The following PRKCH variants were observed in gnomAD, a reference collection of about 807,000 sequenced individuals.
PRKCH encodes protein kinase C eta.
PRKCH carries 28 observed loss-of-function variants against 82.5 expected under a neutral mutation model. The ratio of observed to expected loss-of-function variants is 0.34; its 90% CI spans 0.25 to 0.47. The LOEUF (loss-of-function observed/expected upper bound fraction) is 0.47, where lower values mean the gene tolerates loss of function less well. Ranked by LOEUF, PRKCH falls within the 20% of genes least tolerant of loss-of-function variation. PRKCH has a pLI of 1.00. For synonymous variants in PRKCH, 322 were observed against 327.4 expected (o/e 0.98, Z 0.18); for missense variants, 705 against 881.8 (o/e 0.80, Z 2.54).
chr14:61,445,857 T>G, intron 4 of PRKCH, 131 bp downstream of exon 4: 1 of 915,270 alleles, frequency 1.1e-6, no homozygotes. Context: ...AGGAAACCCC[T>G]GTGTAGATAC....
In PRKCH at chr14:61,280,750, A is replaced by G. The variant is rs1201174757; in HGVS notation, c.-19+93082A>G. ...GCGCAGCGCGCTGGGGAGTCCGCTC[A>G]GCTGCGCGTCGTCGCGGGACACGCC... On this transcript the variant is annotated intron_variant, in intron 1 of 3. Coordinates refer to the PRKCH transcript ENST00000555185. The surrounding 1 kb of genome is among the most constrained non-coding windows in gnomAD (Gnocchi z 5.0). 1.3e-6 allele frequency: 2 copies of G among 1,565,514 alleles called. No homozygotes were observed. Among genetic ancestry groups the G allele is most frequent in the East Asian group, 4.6e-5 (2 of 43,358 alleles).
chr14:61,376,230 A>G (rs752065606), intron 1 of PRKCH, among the ~76,000 whole-genome samples: 1 of 152,046 alleles, frequency 6.6e-6, no homozygotes, highest in Non-Finnish European at 1.5e-5. Context: ...TGCCTTTCCC[A>G]ACACCCTTCT....
At chr14:61,205,136 G>A (rs905882422) in intron 1 of PRKCH, among the ~76,000 whole-genome samples, 1 of 152,238 alleles carries the variant, frequency 6.6e-6, no homozygotes, top group African/African-American at 2.4e-5. Flanking sequence ...CAACAGTGAA[G>A]TCTAAGCACA....
intron 10 of PRKCH, chr14:61,492,051 C>T (rs999775489): frequency 6.6e-6 from 1 of 152,176 alleles, no homozygotes; most frequent in Non-Finnish European, 1.5e-5. Context: ...AAGGAAGGAA[C>T]ATTTGAGACA....
At chr14:61,284,832 AT>A (rs2045300441) in intron 1 of PRKCH, among the ~76,000 whole-genome samples, 1 of 152,194 alleles carries the variant, frequency 6.6e-6, no homozygotes, top group South Asian at 2.1e-4. Context: ...TTTTCATTTT[AT>A]CTCCCAGACT....
At chr14:61,323,774 A>G (rs925974960) in intron 1 of PRKCH, among the ~76,000 whole-genome samples, 4 of 152,222 alleles carry the variant, frequency 2.6e-5, no homozygotes, top group African/African-American at 9.6e-5. Context: ...GGGACTAGAG[A>G]GGAATTGCTA....
chr14:61,319,389 T>C (rs1376238673), upstream of PRKCH, among the ~76,000 whole-genome samples: 1 of 152,154 alleles, frequency 6.6e-6, no homozygotes, highest in Non-Finnish European at 1.5e-5. Context: ...TTTTTCCTCC[T>C]TGTGGGACTG....
intron 1 of PRKCH, among the ~76,000 whole-genome samples, chr14:61,195,492 G>A (rs1009709723): frequency 6.6e-6 from 1 of 152,132 alleles, no homozygotes; most frequent in African/African-American, 2.4e-5. Context: ...ATTAAATGAG[G>A]CATGTTCTTC....
At chr14:61,212,292 A>G (rs1429458864) in intron 1 of PRKCH, among the ~76,000 whole-genome samples, 1 of 152,238 alleles carries the variant, frequency 6.6e-6, no homozygotes, top group Non-Finnish European at 1.5e-5. Flanking sequence ...GTTTTTCAAT[A>G]CTGTCGAATG....
chr14:61,247,279 T>G (rs961249273), intron 1 of PRKCH, among the ~76,000 whole-genome samples: 3 of 152,004 alleles, frequency 2.0e-5, no homozygotes, highest in Non-Finnish European at 4.4e-5. Context: ...TTTTTTTTTT[T>G]AAACTCTGTA....
At chr14:61,227,001 C>T (rs952083757) in intron 1 of PRKCH, among the ~76,000 whole-genome samples, 1 of 152,134 alleles carries the variant, frequency 6.6e-6, no homozygotes, top group Non-Finnish European at 1.5e-5. Context: ...ATGGGCAATG[C>T]CTTGGTCCAT....
chr14:61,295,243 T>TATTTGA (rs1197204911), intron 1 of PRKCH, among the ~76,000 whole-genome samples: 1 of 152,208 alleles, frequency 6.6e-6, no homozygotes, highest in African/African-American at 2.4e-5. Context: ...AAGGATTCTG[T>TATTTGA]ATTTTAAAAA....
intron 1 of PRKCH, among the ~76,000 whole-genome samples, chr14:61,216,207 G>A (rs1212933094): frequency 1.3e-5 from 2 of 152,160 alleles, no homozygotes; most frequent in Non-Finnish European, 2.9e-5. Flanking sequence ...GCTCATGCCT[G>A]TAAATCCCAG....
At position 61,235,397 on chromosome 14, in the gene PRKCH, C is replaced by T. The variant is rs72725862; in HGVS notation, c.-19+47729C>T. On this transcript the variant is annotated intron_variant, in intron 1 of 3. Coordinates refer to the PRKCH transcript ENST00000555185. ...TCCCAACGGTATGTTATCCATTCAC[C>T]GTGAAACTGCCATCCACAAACCATA... Among the ~76,000 whole-genome samples the T allele has an allele frequency of 2.9e-3, 443 of 152,326 alleles. 1 individual carries two copies. The highest frequency in any genetic ancestry group is 4.2e-3 in the Non-Finnish European group (288 of 68,038).
chr14:61,497,647 C>T (rs749581505), intron 10 of PRKCH, among the ~76,000 whole-genome samples: 33 of 152,146 alleles, frequency 2.2e-4, no homozygotes, highest in Non-Finnish European at 3.5e-4. Flanking sequence ...CCCCAAACAC[C>T]CCCATAGGCA....
chr14:61,200,616 C>A (rs1397619169), intron 1 of PRKCH, among the ~76,000 whole-genome samples: 2 of 152,158 alleles, frequency 1.3e-5, no homozygotes, highest in African/African-American at 4.8e-5. Flanking sequence ...AGCCTTATTA[C>A]AGTAGTCAAT....
At chr14:61,427,311 T>C (rs1883156826) in intron 2 of PRKCH, among the ~76,000 whole-genome samples, 1 of 152,176 alleles carries the variant, frequency 6.6e-6, no homozygotes, top group Non-Finnish European at 1.5e-5. Context: ...TTGTGGAGGC[T>C]GAGATTCTTA....
At chr14:61,540,906 G>C (rs2043175154) in intron 12 of PRKCH, among the ~76,000 whole-genome samples, 1 of 152,160 alleles carries the variant, frequency 6.6e-6, no homozygotes. Flanking sequence ...ACCTAGACTT[G>C]GGAAGATTAC....
At chr14:61,193,949 AG>A (rs1467467964) in intron 1 of PRKCH, among the ~76,000 whole-genome samples, 1 of 152,222 alleles carries the variant, frequency 6.6e-6, no homozygotes, top group African/African-American at 2.4e-5. Flanking sequence ...TTCTGAAATT[AG>A]TGCTCTGAAC....
Sources: gnomAD v4.1 joint callset for allele counts (sites outside exome capture counted in the v4.1 genomes callset) on GRCh38, gnomAD v4.1.1 for gene constraint, Gnocchi (gnomAD v3.1) non-coding constraint, MANE v1.5 for transcripts, NCBI Gene and HGNC (gene_info 2026-07-23, HGNC 2026-07-21) for gene names.